Variants in SH2D3C observed in about 807,000 individuals in gnomAD.
The protein encoded by SH2D3C is SH2 domain-containing protein 3C.
SH2D3C carries 25 observed loss-of-function variants against 75.2 expected under a neutral mutation model. That is an observed-to-expected ratio of 0.33 (90% CI 0.24 to 0.46). The LOEUF (loss-of-function observed/expected upper bound fraction) is 0.46, where lower values mean the gene tolerates loss of function less well. SH2D3C is among the 20% of genes least tolerant of loss of function. The probability of loss-of-function intolerance (pLI) is 1.00; values close to 1 mark genes in which losing one functional copy is unlikely to be tolerated. For synonymous variants in SH2D3C, 450 were observed against 473.7 expected (o/e 0.95, Z 0.65); for missense variants, 933 against 1,165.3 (o/e 0.80, Z 2.90).
At chr9:127,761,859 G>A (rs546230429) in intron 2 of SH2D3C, among the ~76,000 whole-genome samples, 11 of 152,294 alleles carry the variant, frequency 7.2e-5, no homozygotes, top group African/African-American at 2.2e-4. Flanking sequence ...CTCTGAGCCT[G>A]CATTTCGTAT....
chr9:127,770,311 G>A (rs1462783115), intron 2 of SH2D3C, among the ~76,000 whole-genome samples: 2 of 152,114 alleles, frequency 1.3e-5, no homozygotes, highest in African/African-American at 2.4e-5. Flanking sequence ...GAGGGACACT[G>A]TCTCCCCAGC....
rs1315423913 is a variant in SH2D3C at position 127,741,903 on chromosome 9, G to T, written c.1973C>A (p.Ala658Glu). The T allele has an allele frequency of 6.2e-7, 1 of 1,613,032 alleles. No individual in the cohort carries two copies. Among genetic ancestry groups the T allele is most frequent in the South Asian group, 1.1e-5 (1 of 91,064 alleles). Residue 658 changes from alanine to glutamate, a missense_variant, in exon 9 of 12, where the codon GCG (alanine) becomes GAG (glutamate). Coordinates refer to ENST00000314830, the MANE Select transcript of SH2D3C (RefSeq NM_170600.3). ...GTGCAGCAGCGCTGCCCGCTCCTCC[G>T]CAGAGCCGGTGCAGCCCAGGATGTC... The part of the protein sequence containing the change: ...AVDILGCTGS[A>E]EERAALLHKT...
At chr9:127,745,207 A>C (rs1348027401) in intron 6 of SH2D3C, 108 bp from the exon 7 acceptor site, 2 of 904,118 alleles carry the variant, frequency 2.2e-6, no homozygotes, top group Admixed American at 7.0e-5. Context: ...TAGGGAGTAC[A>C]GAGGTGATGT....
chr9:127,772,539 C>G (rs1426305568), intron 2 of SH2D3C, among the ~76,000 whole-genome samples: 1 of 152,204 alleles, frequency 6.6e-6, no homozygotes, highest in African/African-American at 2.4e-5. Flanking sequence ...GGATTACAGG[C>G]GTGAGCCACT....
intron 3 of SH2D3C, among the ~76,000 whole-genome samples, chr9:127,760,707 C>T (rs1187284820): frequency 6.6e-6 from 1 of 152,132 alleles, no homozygotes; most frequent in Non-Finnish European, 1.5e-5. Flanking sequence ...GCTCTCCCTA[C>T]CCAGTGATGA....
chr9:127,751,568 G>A lies in SH2D3C; in HGVS notation c.556-268C>T, dbSNP rs1845202932. Among the ~76,000 whole-genome samples the A allele has an allele frequency of 6.6e-6, 1 of 152,252 alleles. No individual in the cohort carries two copies. The highest frequency in any genetic ancestry group is 1.5e-5 in the Non-Finnish European group (1 of 68,052). On this transcript the variant is annotated intron_variant, in intron 3 of 11. Transcript: ENST00000314830. This position sits in a 1 kb window ranked among gnomAD's most constrained non-coding sequence, Gnocchi z 4.1. Reference sequence around the variant, plus strand: ...TAAACCAAGCCCGGCCCTCAAGGCAGTGCCTAGTCTGAGGAGAGGCAAAAG... The same window carrying A: ...TAAACCAAGCCCGGCCCTCAAGGCAATGCCTAGTCTGAGGAGAGGCAAAAG...
chr9:127,757,629 TGATG>T (rs1564419772), intron 3 of SH2D3C, among the ~76,000 whole-genome samples: 3,683 of 123,848 alleles, frequency 0.03, 65 homozygotes, highest in East Asian at 0.061. Flanking sequence ...ATGATGATGA[TGATG>T]ATGATGATGA....
chr9:127,747,319 C>CTCAGCCT lies in SH2D3C; in HGVS notation c.1140-55_1140-49dup, dbSNP rs751287846. Reference sequence around the variant, plus strand: ...GGCAGGGAGCCCGGAGGTCAGGGGCCTCAGCCTGCCTCTGGGACCCCCCAC... The same window carrying CTCAGCCT: ...GGCAGGGAGCCCGGAGGTCAGGGGCCTCAGCCTTCAGCCTGCCTCTGGGACCCCCCAC... On this transcript the variant is annotated intron_variant, in intron 5 of 11. Coordinates refer to ENST00000314830, the MANE Select transcript of SH2D3C (RefSeq NM_170600.3). 19 of 1,567,912 alleles carry CTCAGCCT rather than the reference C, an allele frequency of 1.2e-5. No individual in the cohort carries two copies. The Admixed American group carries it at 3.4e-4, about 28-fold the overall frequency.
At position 127,774,151 on chromosome 9, in the gene SH2D3C, C is replaced by G. The variant is rs1306059729; in HGVS notation, c.354G>C (p.Glu118Asp). Residue 118 changes from glutamate to aspartate, a missense_variant, in exon 2 of 12, where the codon GAG becomes GAC. Transcript: ENST00000314830. The surrounding 1 kb of genome is among the most constrained non-coding windows in gnomAD (Gnocchi z 4.3). Reference protein sequence around the residue: ...PGGVPDPPGLEAAKEVMVKAT... With the variant: ...PGGVPDPPGLDAAKEVMVKAT... ...CCTTCACCATCACCTCTTTGGCTGCCTCCAAGCCTGGGGGGTCGGGTACAC... is the reference window on the plus strand; with the variant it reads ...CCTTCACCATCACCTCTTTGGCTGCGTCCAAGCCTGGGGGGTCGGGTACAC... The G allele has an allele frequency of 6.2e-7, 1 of 1,614,144 alleles. No homozygotes were observed. The highest frequency in any genetic ancestry group is 1.7e-5 in the Admixed American group (1 of 60,016).
At chr9:127,756,564 T>C (rs1385635271) in intron 3 of SH2D3C, among the ~76,000 whole-genome samples, 1 of 151,770 alleles carries the variant, frequency 6.6e-6, no homozygotes, top group Non-Finnish European at 1.5e-5. Flanking sequence ...AATCAAAGGA[T>C]GCACAAAATA....
chr9:127,754,138 C>T lies in SH2D3C; in HGVS notation c.556-2838G>A, dbSNP rs957397721. 2.0e-5 allele frequency among the ~76,000 whole-genome samples: 3 copies of T among 152,210 alleles called. No individual in the cohort carries two copies. Among genetic ancestry groups the T allele is most frequent in the Non-Finnish European group, 1.5e-5 (1 of 68,014 alleles). On this transcript the variant is annotated intron_variant, in intron 3 of 11. Transcript: ENST00000314830. The surrounding 1 kb of genome is among the most constrained non-coding windows in gnomAD (Gnocchi z 4.4). ...TGGGGGTGCTGGGGTGCGAATGCAG[C>T]ATCCCTGCGCTCGGCGCCCTGCTAT...
At chr9:127,770,622 A>G (rs1845715405) in intron 2 of SH2D3C, among the ~76,000 whole-genome samples, 1 of 152,146 alleles carries the variant, frequency 6.6e-6, no homozygotes, top group Non-Finnish European at 1.5e-5. Flanking sequence ...AGGGGGCTCA[A>G]TCTGGTCTGC....
intron 6 of SH2D3C, among the ~76,000 whole-genome samples, chr9:127,746,417 C>G (rs911772985): frequency 6.6e-6 from 1 of 152,174 alleles, no homozygotes; most frequent in African/African-American, 2.4e-5. Flanking sequence ...AACAGAGAAA[C>G]TTTCTTCGTA....
chr9:127,751,271 T>C lies in SH2D3C; in HGVS notation c.585A>G (p.Ser195=). The stretch of plus-strand genomic sequence containing the variant: ...ATTCCTTGTGGAGTTTCTCTGGCGA[T>C]GAGTCCAGGATGTACTTCTCCTTGG... ...KFSKEKYILD[S]SPEKLHKELE... is the part of the protein sequence containing the mutation. Residue 195 remains serine, a synonymous_variant, in exon 4 of 12, where the codon TCA becomes TCG. Transcript: ENST00000314830. The surrounding 1 kb of genome is among the most constrained non-coding windows in gnomAD (Gnocchi z 4.1). 1 of 1,613,928 alleles carries C rather than the reference T, an allele frequency of 6.2e-7. No individual in the cohort carries two copies. The highest frequency in any genetic ancestry group is 1.3e-5 in the African/African-American group (1 of 75,064).
At chr9:127,745,365 G>A (rs931720382) in intron 6 of SH2D3C, among the ~76,000 whole-genome samples, 1 of 151,994 alleles carries the variant, frequency 6.6e-6, no homozygotes, top group Non-Finnish European at 1.5e-5. Flanking sequence ...CTGCTTGGAG[G>A]AGCTTCAGTG....
chr9:127,768,267 T>C (rs1845672625), intron 2 of SH2D3C, among the ~76,000 whole-genome samples: 1 of 152,156 alleles, frequency 6.6e-6, no homozygotes, highest in Admixed American at 6.5e-5. Context: ...TTGGGAATTC[T>C]TGGACCAGAA....
In SH2D3C at chr9:127,754,846, C is replaced by G; in HGVS notation, c.556-3546G>C. ...GAGGCAGAAACGGACCGGCATCTAC[C>G]GCAGCCCAGAGTCCCAGGAGTGGCC... On this transcript the variant is annotated intron_variant, in intron 3 of 11. Transcript: ENST00000314830. The surrounding 1 kb of genome is among the most constrained non-coding windows in gnomAD (Gnocchi z 4.4). The G allele has an allele frequency of 2.0e-6, 1 of 496,030 alleles. No individual in the cohort carries two copies. The highest frequency in any genetic ancestry group is 4.1e-6 in the Non-Finnish European group (1 of 243,778). 30.7% of individuals were successfully genotyped at this position (496,030 alleles called of 1,614,324 possible).
intron 4 of SH2D3C, among the ~76,000 whole-genome samples, chr9:127,750,438 AGCCATC>A (rs1379332897): frequency 3.3e-5 from 5 of 152,280 alleles, no homozygotes; most frequent in Admixed American, 2.6e-4. Context: ...TACAGGCATG[AGCCATC>A]GCACCTGGCC....
At chr9:127,767,052 G>A (rs2131802058) in intron 2 of SH2D3C, 3 of 1,536,216 alleles carry the variant, frequency 2.0e-6, no homozygotes, top group Non-Finnish European at 2.6e-6. Context: ...TCTTGGCTTT[G>A]GCCCTGCCCC....
Sources: gnomAD v4.1 joint callset for allele counts (sites outside exome capture counted in the v4.1 genomes callset) on GRCh38, gnomAD v4.1.1 for gene constraint, Gnocchi (gnomAD v3.1) non-coding constraint, MANE v1.5 for transcripts, NCBI Gene and HGNC (gene_info 2026-07-23, HGNC 2026-07-21) for gene names.